Variants in EQTN observed in about 807,000 individuals in gnomAD.
EQTN encodes the protein equatorin.
Under a neutral mutation model 26.9 loss-of-function variants are expected in EQTN, and 29 were observed. The observed-to-expected ratio is 1.08, with a 90% CI of 0.80 to 1.47. The LOEUF (loss-of-function observed/expected upper bound fraction) is 1.47, where lower values mean the gene tolerates loss of function less well. Among genes scored for constraint, EQTN ranks in the 40% most tolerant of loss-of-function variants. EQTN has a pLI of 0.00. For missense variants in EQTN, 391 were observed against 346.1 expected, an observed-to-expected ratio of 1.13 and a Z score of -1.03; for synonymous variants, 129 against 120.0, an observed-to-expected ratio of 1.07 and a Z score of -0.49.
intron 7 of EQTN, among the ~76,000 whole-genome samples, chr9:27,285,662 A>T (rs1211680169): frequency 6.6e-6 from 1 of 152,226 alleles, no homozygotes; most frequent in Non-Finnish European, 1.5e-5. Flanking sequence ...CAGCACAATG[A>T]AAAGAATGGA....
intron 3 of EQTN, among the ~76,000 whole-genome samples, chr9:27,292,738 AG>A (rs1042038184): frequency 6.6e-6 from 1 of 152,152 alleles, no homozygotes; most frequent in Admixed American, 6.5e-5. Context: ...AGAGAGGCAA[AG>A]GAACATGCGG....
At chr9:27,292,782 C>T (rs1820264197) in intron 3 of EQTN, among the ~76,000 whole-genome samples, 1 of 152,136 alleles carries the variant, frequency 6.6e-6, no homozygotes, top group Non-Finnish European at 1.5e-5. Context: ...AAGAAGATCT[C>T]TTGGAGAAGA....
intron 7 of EQTN, among the ~76,000 whole-genome samples, chr9:27,285,378 G>A (rs1587108040): frequency 1.3e-5 from 2 of 152,056 alleles, no homozygotes. Context: ...TCTTGACCTC[G>A]TGATCCACCT....
chr9:27,292,491 G>A lies in EQTN; in HGVS notation c.290-4C>T. 6.4e-7 allele frequency: 1 copy of A among 1,566,142 alleles called. No homozygotes were observed. The highest frequency in any genetic ancestry group is 1.4e-5 in the African/African-American group (1 of 73,132). ...GTAGTTGCATTGACAGTTTTATCTA[G>A]GAAAAGGGAAAAAGAATTATCAGCA... On this transcript the variant is annotated splice_region_variant and splice_polypyrimidine_tract_variant and intron_variant, in intron 3 of 7. Coordinates refer to ENST00000380032, the MANE Select transcript of EQTN (RefSeq NM_020641.3).
rs756748049 is a variant in EQTN, at chr9:27,292,450, G to A, written c.327C>T (p.Thr109=). Residue 109 remains threonine (T), a synonymous_variant, in exon 4 of 8, where the codon ACC becomes ACT. Coordinates refer to ENST00000380032, the MANE Select transcript of EQTN (RefSeq NM_020641.3). ...CGCTAGTAGTTGTTTCTTCTTCAAT[G>A]GTGGATTTTTCATATGTAGTTGCAT... ...TVNATTYEKS[T]IEEETTTSEP... is the part of the protein sequence containing the mutation. The A allele has an allele frequency of 1.2e-6, 2 of 1,608,508 alleles. No homozygotes were observed. The highest frequency in any genetic ancestry group is 1.3e-5 in the African/African-American group (1 of 74,682).
intron 6 of EQTN, among the ~76,000 whole-genome samples, chr9:27,288,248 C>G (rs1307552146): frequency 6.6e-6 from 1 of 152,054 alleles, no homozygotes; most frequent in Non-Finnish European, 1.5e-5. Context: ...TAATGTGGTT[C>G]TTTCATGAAA....
chr9:27,287,429 G>A (rs1233546226), intron 6 of EQTN, among the ~76,000 whole-genome samples: 2 of 152,142 alleles, frequency 1.3e-5, no homozygotes, highest in East Asian at 3.9e-4. Flanking sequence ...TAATAAAGAT[G>A]TGTGCTCATA....
At chr9:27,291,313 G>A (rs531752076) in intron 4 of EQTN, among the ~76,000 whole-genome samples, 10 of 152,286 alleles carry the variant, frequency 6.6e-5, no homozygotes, top group South Asian at 6.2e-4. Context: ...TAATGAAGGC[G>A]TTAATGGAAA....
rs1820085652 is a variant in EQTN, at chr9:27,284,906, T to C, written c.702A>G (p.Pro234=). The C allele has an allele frequency of 1.9e-6, 3 of 1,614,050 alleles. No homozygotes were observed. The highest frequency in any genetic ancestry group is 4.5e-5 in the East Asian group (2 of 44,888). ...PELATMSYFH[P]SEGVSDTSFS... ...AGGATGTATCTGAAACACCTTCTGA[T>C]GGATGAAAGTAAGACATCGTGGCCA... The change falls in exon 8 of 8, where the codon CCA becomes CCG. Residue 234 remains proline (P), a synonymous_variant. Transcript: ENST00000380032.
chr9:27,290,169 CT>C (rs1820203098), intron 5 of EQTN, among the ~76,000 whole-genome samples: 1 of 152,120 alleles, frequency 6.6e-6, no homozygotes, highest in Non-Finnish European at 1.5e-5. Flanking sequence ...CAATTTAACA[CT>C]ACATTTGGGG....
chr9:27,294,028 T>A (rs1772713128), intron 3 of EQTN, among the ~76,000 whole-genome samples: 1 of 152,342 alleles, frequency 6.6e-6, no homozygotes, highest in Non-Finnish European at 1.5e-5. Context: ...TCTTTCCACA[T>A]AAACCATATG....
chr9:27,286,150 A>C lies in EQTN; in HGVS notation c.635+59T>G, dbSNP rs146898019. 675 of 1,512,328 alleles carry C rather than the reference A, an allele frequency of 4.5e-4. 3 individuals carry two copies. In the African/African-American group the frequency reaches 8.5e-3, roughly 19 times the overall value. 93.7% of individuals were successfully genotyped at this position (1,512,328 alleles called of 1,614,324 possible). On this transcript the variant is annotated intron_variant, in intron 7 of 7. Transcript: ENST00000380032. ...TTCCTAAGAATCTACTAAAGAGAGG[A>C]GGGAGAGAATGCGATGTCATGCATT...
intron 3 of EQTN, among the ~76,000 whole-genome samples, 191 bp from the exon 4 acceptor site, chr9:27,292,678 T>A (rs182383369): frequency 6.6e-6 from 1 of 152,188 alleles, no homozygotes; most frequent in South Asian, 2.1e-4. Context: ...ATAAAGTTTT[T>A]GTGATCATGG....
At chr9:27,285,438 G>A (rs1268470678) in intron 7 of EQTN, among the ~76,000 whole-genome samples, 4 of 152,020 alleles carry the variant, frequency 2.6e-5, no homozygotes, top group South Asian at 4.1e-4. Flanking sequence ...CACCACGCCC[G>A]GCCTAGTTTT....
At chr9:27,286,445 G>T in intron 6 of EQTN, 83 bp from the exon 7 acceptor site, 1 of 1,359,400 alleles carries the variant, frequency 7.4e-7, no homozygotes, top group East Asian at 2.5e-5. Flanking sequence ...CAAATACAGA[G>T]AAGCAAGCCC....
At chr9:27,288,147 C>T (rs913392986) in intron 6 of EQTN, among the ~76,000 whole-genome samples, 2 of 152,140 alleles carry the variant, frequency 1.3e-5, no homozygotes, top group African/African-American at 2.4e-5. Context: ...CTTATCAATC[C>T]AGTGCACAAA....
chr9:27,296,037 G>T (rs1447038907), intron 2 of EQTN, among the ~76,000 whole-genome samples: 2 of 151,760 alleles, frequency 1.3e-5, no homozygotes, highest in Non-Finnish European at 2.9e-5. Context: ...GTGGTGGCTC[G>T]CACCTGTAAT....
At chr9:27,289,823 G>T in intron 5 of EQTN, 92 bp from the exon 6 acceptor site, 1 of 925,758 alleles carries the variant, frequency 1.1e-6, no homozygotes, top group Non-Finnish European at 1.6e-6. Context: ...ATAGTACCCA[G>T]TGTGTGTACA....
intron 1 of EQTN, 36 bp from the exon 2 acceptor site, chr9:27,296,774 A>G (rs1021763833): frequency 2.5e-6 from 4 of 1,585,722 alleles, no homozygotes; most frequent in African/African-American, 2.7e-5. Context: ...GATCAGAAAT[A>G]TGTTGATTTC....
Sources: gnomAD v4.1 joint callset for allele counts (sites outside exome capture counted in the v4.1 genomes callset) on GRCh38, gnomAD v4.1.1 for gene constraint, MANE v1.5 for transcripts, NCBI Gene and HGNC (gene_info 2026-07-23, HGNC 2026-07-21) for gene names.